Variants in LRRN1 observed in about 807,000 individuals in gnomAD.
The protein encoded by LRRN1 is leucine rich repeat neuronal 1.
Under a neutral mutation model 45.8 loss-of-function variants are expected in LRRN1, and 14 were observed. The ratio of observed to expected loss-of-function variants is 0.31; its 90% CI spans 0.20 to 0.48. The LOEUF is 0.48. Ranked by LOEUF, LRRN1 falls within the 20% of genes least tolerant of loss-of-function variation. The pLI, the probability that LRRN1 is intolerant of heterozygous loss-of-function variation, is 0.99. For missense variants in LRRN1, 789 were observed against 874.2 expected, an observed-to-expected ratio of 0.90 and a Z score of 1.23; for synonymous variants, 359 against 330.1, an observed-to-expected ratio of 1.09 and a Z score of -0.95.
chr3:3,837,500 ATTTTCTACCC>A (rs1281499960), intron 1 of LRRN1, among the ~76,000 whole-genome samples: 2 of 152,066 alleles, frequency 1.3e-5, no homozygotes, highest in African/African-American at 4.8e-5. Context: ...TGGTTGGTCC[ATTTTCTACCC>A]TTTCTACAAT....
chr3:3,842,018 A>G (rs1214811154), intron 1 of LRRN1, among the ~76,000 whole-genome samples: 2 of 152,174 alleles, frequency 1.3e-5, no homozygotes, highest in Non-Finnish European at 1.5e-5. Flanking sequence ...CCTATATGAT[A>G]TATGTGGCTT....
intron 1 of LRRN1, among the ~76,000 whole-genome samples, chr3:3,834,056 C>T (rs183366318): frequency 1.0e-3 from 155 of 152,226 alleles, no homozygotes; most frequent in Non-Finnish European, 1.8e-3. Flanking sequence ...GTACAGAAGA[C>T]AAGACTCTCA....
Position 3,814,590 on chromosome 3 carries a change from T to C in LRRN1, c.-279+14671T>C, listed in dbSNP as rs553177232. Reference sequence around the variant, plus strand: ...ACCCCAAGGTGATGGTATTAAGAAGTGGGGCCTTTTGGGAAGTGATGAAGT... The same window carrying C: ...ACCCCAAGGTGATGGTATTAAGAAGCGGGGCCTTTTGGGAAGTGATGAAGT... On this transcript the variant is annotated intron_variant, in intron 1 of 1. Transcript: ENST00000319331. Among the ~76,000 whole-genome samples the C allele has an allele frequency of 2.0e-5, 3 of 152,298 alleles. No homozygotes were observed. In the South Asian group the frequency reaches 6.2e-4, roughly 32 times the overall value.
rs1693801398 is a variant in LRRN1, at chr3:3,847,378, CTTTCCTTT to C, written c.*590_*597del. 2.8e-5 allele frequency: 2 copies of C among 70,486 alleles called. No individual in the cohort carries two copies. Among genetic ancestry groups the C allele is most frequent in the African/African-American group, 1.2e-4 (2 of 17,140 alleles). The allele number at this position is 70,486 out of a possible 1,614,324, so 4.4% of individuals were successfully genotyped here. ...CCTTTAAACAATGAATTTTCTTTTTCTTTCCTTTTTTTTTTTTTTGTTGTAATAGTTAA... is the reference window on the plus strand; with the variant it reads ...CCTTTAAACAATGAATTTTCTTTTTCTTTTTTTTTTTGTTGTAATAGTTAA... On this transcript the variant is annotated 3_prime_UTR_variant, in exon 2 of 2. Transcript: ENST00000319331.
intron 1 of LRRN1, chr3:3,804,077 A>T (rs911132818): frequency 1.3e-5 from 2 of 152,248 alleles, no homozygotes; most frequent in South Asian, 2.1e-4. Context: ...AAGAAACAAT[A>T]TGCAAGCTTT....
chr3:3,827,389 C>T (rs1402433156), intron 1 of LRRN1: 2 of 455,306 alleles, frequency 4.4e-6, no homozygotes, highest in African/African-American at 4.0e-5. Flanking sequence ...GGCAGAGTGG[C>T]CTTCAGGGAC....
intron 1 of LRRN1, among the ~76,000 whole-genome samples, chr3:3,830,187 G>C (rs1693335199): frequency 6.6e-6 from 1 of 152,184 alleles, no homozygotes; most frequent in African/African-American, 2.4e-5. Flanking sequence ...AGCCTCCTCT[G>C]CTGAGGTCAC....
At chr3:3,823,863 C>A (rs1015944863) in intron 1 of LRRN1, among the ~76,000 whole-genome samples, 11 of 152,086 alleles carry the variant, frequency 7.2e-5, no homozygotes, top group Non-Finnish European at 1.0e-4. Context: ...TAATGGGTAC[C>A]TTTAAGAGCA....
At chr3:3,841,810 G>A (rs571173695) in intron 1 of LRRN1, among the ~76,000 whole-genome samples, 5 of 152,186 alleles carry the variant, frequency 3.3e-5, no homozygotes, top group East Asian at 3.9e-4. Context: ...GAGCCACCGC[G>A]CCCGGCCTGT....
intron 1 of LRRN1, among the ~76,000 whole-genome samples, chr3:3,813,077 C>G (rs3796337): frequency 1.3e-5 from 2 of 152,060 alleles, no homozygotes; most frequent in East Asian, 1.9e-4. Context: ...TGGTGATAGC[C>G]GAAACATTTC....
At chr3:3,801,130 C>G (rs1054036824) in intron 1 of LRRN1, 1 of 152,326 alleles carries the variant, frequency 6.6e-6, no homozygotes, top group African/African-American at 2.4e-5. Flanking sequence ...TCCACCGCCG[C>G]GGCCCCAGCG....
At chr3:3,841,310 T>C (rs1338990877) in intron 1 of LRRN1, among the ~76,000 whole-genome samples, 1 of 122,404 alleles carries the variant, frequency 8.2e-6, no homozygotes, top group Non-Finnish European at 1.7e-5. Flanking sequence ...AAAAAAAAAT[T>C]AGTTGAAATT....
rs1263161505 is a variant in LRRN1, at chr3:3,842,009, CTATATGATATATGTGGCT to C, written c.-278-2343_-278-2326del. On this transcript the variant is annotated intron_variant, in intron 1 of 1. Coordinates refer to ENST00000319331, the MANE Select transcript of LRRN1 (RefSeq NM_020873.7). ...TACATAAACCTAGGTGGTATGTAGCCTATATGATATATGTGGCTTATATGATATACCCTATTGCTCCTA... is the reference window on the plus strand; with the variant it reads ...TACATAAACCTAGGTGGTATGTAGCCTATATGATATACCCTATTGCTCCTA... Among the ~76,000 whole-genome samples the C allele has an allele frequency of 3.3e-5, 5 of 152,086 alleles. No individual in the cohort carries two copies. The East Asian group carries it at 9.6e-4, about 29-fold the overall frequency.
intron 1 of LRRN1, among the ~76,000 whole-genome samples, chr3:3,832,937 C>T (rs1225776701): frequency 1.3e-5 from 2 of 152,198 alleles, no homozygotes; most frequent in South Asian, 2.1e-4. Flanking sequence ...TGCTGCTTTG[C>T]CTCTGCTGTC....
chr3:3,846,726 C>T lies in LRRN1; in HGVS notation c.2085C>T (p.Asp695=), dbSNP rs762535665. The T allele has an allele frequency of 6.2e-7, 1 of 1,613,982 alleles. No homozygotes were observed. Among genetic ancestry groups the T allele is most frequent in the Non-Finnish European group, 8.5e-7 (1 of 1,180,010 alleles). The change falls in exon 2 of 2, where the codon GAC becomes GAT. Residue 695 remains aspartate (D), a synonymous_variant. Coordinates refer to ENST00000319331, the MANE Select transcript of LRRN1 (RefSeq NM_020873.7). This position sits in a 1 kb window ranked among gnomAD's most constrained non-coding sequence, Gnocchi z 5.7. ...INLWEGDSEK[D]KDGSADTKPT... ...TCTGGGAAGGTGACAGCGAGAAAGA[C>T]AAAGATGGTTCTGCAGACACCAAGC... is the stretch of plus-strand genomic sequence containing the variant.
chr3:3,845,191 A>G lies in LRRN1; in HGVS notation c.550A>G (p.Ser184Gly). 1 of 1,614,188 alleles carries G rather than the reference A, an allele frequency of 6.2e-7. No individual in the cohort carries two copies. Among genetic ancestry groups the G allele is most frequent in the Non-Finnish European group, 8.5e-7 (1 of 1,180,028 alleles). The change falls in exon 2 of 2, where the codon AGT (serine) becomes GGT (glycine). Residue 184 changes from serine to glycine, a missense_variant. Coordinates refer to ENST00000319331, the MANE Select transcript of LRRN1 (RefSeq NM_020873.7). This position sits in a 1 kb window ranked among gnomAD's most constrained non-coding sequence, Gnocchi z 6.5. Reference protein sequence around the residue: ...LNSNKLKVIDSRWFDSTPNLE... With the variant: ...LNSNKLKVIDGRWFDSTPNLE... ...CTCCAACAAATTGAAAGTTATTGATAGTCGCTGGTTTGATTCTACACCCAA... is the reference window on the plus strand; with the variant it reads ...CTCCAACAAATTGAAAGTTATTGATGGTCGCTGGTTTGATTCTACACCCAA...
chr3:3,826,911 T>C (rs892962348), intron 1 of LRRN1, among the ~76,000 whole-genome samples: 2 of 152,140 alleles, frequency 1.3e-5, no homozygotes, highest in Admixed American at 6.6e-5. Context: ...ATTTCTCTCT[T>C]TGACCCCCCT....
intron 1 of LRRN1, among the ~76,000 whole-genome samples, chr3:3,833,789 T>G (rs1015091366): frequency 6.6e-6 from 1 of 152,150 alleles, no homozygotes; most frequent in Non-Finnish European, 1.5e-5. Flanking sequence ...GGAGGGGATG[T>G]TGCCACTACT....
At chr3:3,842,460 G>T (rs1693671440) in intron 1 of LRRN1, among the ~76,000 whole-genome samples, 1 of 151,714 alleles carries the variant, frequency 6.6e-6, no homozygotes, top group South Asian at 2.1e-4. Context: ...TAACAAAAAA[G>T]TTGTAGGACT....
Sources: gnomAD v4.1 joint callset for allele counts (sites outside exome capture counted in the v4.1 genomes callset) on GRCh38, gnomAD v4.1.1 for gene constraint, Gnocchi (gnomAD v3.1) non-coding constraint, MANE v1.5 for transcripts, NCBI Gene and HGNC (gene_info 2026-07-23, HGNC 2026-07-21) for gene names.